The following MSRA variants were observed in gnomAD, a reference collection of about 807,000 sequenced individuals.
MSRA encodes mitochondrial peptide methionine sulfoxide reductase.
MSRA carries 54 observed loss-of-function variants against 31.3 expected under a neutral mutation model. The ratio of observed to expected loss-of-function variants is 1.73; its 90% CI spans 1.39 to 2.17. MSRA has a LOEUF of 2.17. MSRA is among the 30% of genes most tolerant of loss of function. MSRA has a pLI of 0.00. For synonymous variants in MSRA, 169 were observed against 116.5 expected (o/e 1.45, Z -2.90); for missense variants, 507 against 300.9 (o/e 1.69, Z -5.07).
intron 3 of MSRA, among the ~76,000 whole-genome samples, chr8:10,254,988 GC>G (rs768922698): frequency 2.0e-5 from 3 of 152,280 alleles, no homozygotes; most frequent in Non-Finnish European, 2.9e-5. Context: ...CTTTTATTAG[GC>G]ATTACAATCT....
intron 5 of MSRA, among the ~76,000 whole-genome samples, chr8:10,324,044 A>C (rs1563351311): frequency 6.6e-6 from 1 of 152,140 alleles, no homozygotes; most frequent in Non-Finnish European, 1.5e-5. Context: ...CAGCTAATTG[A>C]CTGAAACCCA....
intron 1 of MSRA, among the ~76,000 whole-genome samples, chr8:10,128,962 C>A (rs1312724513): frequency 1.3e-5 from 2 of 152,146 alleles, no homozygotes; most frequent in African/African-American, 2.4e-5. Context: ...TTACTGTCAG[C>A]CTTACTTAAC....
chr8:10,107,384 T>C (rs560846327), intron 1 of MSRA, among the ~76,000 whole-genome samples: 22 of 152,236 alleles, frequency 1.4e-4, no homozygotes, highest in African/African-American at 4.8e-4. Context: ...GAAAATCTCC[T>C]TTTCTGACCT....
chr8:10,255,689 G>T (rs946417681), intron 3 of MSRA, among the ~76,000 whole-genome samples: 8 of 151,994 alleles, frequency 5.3e-5, no homozygotes, highest in African/African-American at 1.7e-4. Context: ...AATGCTCTGG[G>T]GAACAATCAT....
intron 5 of MSRA, among the ~76,000 whole-genome samples, chr8:10,410,078 C>T (rs992384934): frequency 3.3e-5 from 5 of 152,308 alleles, no homozygotes; most frequent in Admixed American, 3.3e-4. Context: ...AAAGATATTT[C>T]TTCGTAGAGC....
chr8:10,347,811 C>T (rs1803878663), intron 5 of MSRA, among the ~76,000 whole-genome samples: 1 of 152,208 alleles, frequency 6.6e-6, no homozygotes, highest in East Asian at 1.9e-4. Flanking sequence ...GTTTCTAGGA[C>T]ATGGCAGTTC....
At chr8:10,329,445 C>T (rs1311913695) in intron 5 of MSRA, among the ~76,000 whole-genome samples, 1 of 152,226 alleles carries the variant, frequency 6.6e-6, no homozygotes, top group Non-Finnish European at 1.5e-5. Flanking sequence ...TCCTGCATCT[C>T]TCTAATAAGG....
chr8:10,321,031 C>T (rs1802017710), intron 5 of MSRA, among the ~76,000 whole-genome samples: 1 of 152,216 alleles, frequency 6.6e-6, no homozygotes, highest in Non-Finnish European at 1.5e-5. Context: ...CAACCCATAA[C>T]ACTTTCTCAT....
intron 2 of MSRA, among the ~76,000 whole-genome samples, chr8:10,215,383 G>C (rs77161279): frequency 1.3e-5 from 2 of 152,330 alleles, no homozygotes; most frequent in Non-Finnish European, 2.9e-5. Flanking sequence ...ACTGTTGTCA[G>C]AGTGTCAGGA....
intron 5 of MSRA, among the ~76,000 whole-genome samples, chr8:10,419,629 C>A (rs992831099): frequency 6.6e-6 from 1 of 152,172 alleles, no homozygotes; most frequent in Non-Finnish European, 1.5e-5. Context: ...GTACCTGGTG[C>A]TTAAAACGCA....
At chr8:10,111,487 C>G (rs1389283695) in intron 1 of MSRA, among the ~76,000 whole-genome samples, 1 of 152,178 alleles carries the variant, frequency 6.6e-6, no homozygotes. Flanking sequence ...ATTTGTCGAT[C>G]TTTTCCCTTC....
chr8:10,081,612 C>T (rs544189258), intron 1 of MSRA, among the ~76,000 whole-genome samples: 104 of 152,258 alleles, frequency 6.8e-4, no homozygotes, highest in African/African-American at 2.3e-3. Context: ...GTCTTGGTCT[C>T]CCGAGTAGGT....
At chr8:10,215,607 T>G (rs767708249) in intron 2 of MSRA, among the ~76,000 whole-genome samples, 5 of 152,210 alleles carry the variant, frequency 3.3e-5, no homozygotes, top group Non-Finnish European at 7.3e-5. Flanking sequence ...CAGACAGCAT[T>G]AGTTGAGAAC....
At chr8:10,234,494 A>G (rs957133751) in intron 2 of MSRA, among the ~76,000 whole-genome samples, 26 of 152,104 alleles carry the variant, frequency 1.7e-4, no homozygotes, top group African/African-American at 6.3e-4. Flanking sequence ...CCAAGGGTCA[A>G]AGGCAGTCAG....
chr8:10,125,977 G>A (rs1035371009), intron 1 of MSRA, among the ~76,000 whole-genome samples: 6 of 152,220 alleles, frequency 3.9e-5, no homozygotes, highest in Non-Finnish European at 7.3e-5. Flanking sequence ...CAAAGGCACC[G>A]AATGTCAGAG....
At chr8:10,398,226 C>A (rs1224309081) in intron 5 of MSRA, among the ~76,000 whole-genome samples, 1 of 152,158 alleles carries the variant, frequency 6.6e-6, no homozygotes, top group East Asian at 1.9e-4. Context: ...TTAGAAAATT[C>A]CTGTTTGAAC....
At chr8:10,421,109 G>C (rs1190932215) in intron 5 of MSRA, among the ~76,000 whole-genome samples, 1 of 152,136 alleles carries the variant, frequency 6.6e-6, no homozygotes, top group Non-Finnish European at 1.5e-5. Context: ...CATACAGGCT[G>C]ATCCATGTCT....
At chr8:10,239,688 G>A (rs1048876371) in intron 2 of MSRA, among the ~76,000 whole-genome samples, 8 of 152,214 alleles carry the variant, frequency 5.3e-5, no homozygotes, top group East Asian at 1.9e-4. Context: ...AGATAAAAGT[G>A]TACTGTTTTG....
At chr8:10,146,583 C>A (rs1264613251) in intron 1 of MSRA, among the ~76,000 whole-genome samples, 1 of 152,028 alleles carries the variant, frequency 6.6e-6, no homozygotes, top group African/African-American at 2.4e-5. Flanking sequence ...GGGGTGATGA[C>A]AGTGTTCTGA....
Sources: gnomAD v4.1 joint callset for allele counts (sites outside exome capture counted in the v4.1 genomes callset) on GRCh38, gnomAD v4.1.1 for gene constraint, MANE v1.5 for transcripts, NCBI Gene and HGNC (gene_info 2026-07-23, HGNC 2026-07-21) for gene names.